The following PNPT1 variants were observed in gnomAD, a reference collection of about 807,000 sequenced individuals.
The protein encoded by PNPT1 is polyribonucleotide nucleotidyltransferase 1, mitochondrial.
In PNPT1, 53 loss-of-function variants were observed where a neutral mutation model predicts 119.5. The observed-to-expected ratio is 0.44, with a 90% CI of 0.36 to 0.56. The LOEUF is 0.56. Ranked by LOEUF, PNPT1 falls within the 20% of genes least tolerant of loss-of-function variation. The pLI, the probability that PNPT1 is intolerant of heterozygous loss-of-function variation, is 0.00. For missense variants in PNPT1, 948 were observed against 938.5 expected, an observed-to-expected ratio of 1.01 and a Z score of -0.13; for synonymous variants, 357 against 322.1, an observed-to-expected ratio of 1.11 and a Z score of -1.16.
Position 55,687,355 on chromosome 2 carries a change from G to A in PNPT1, c.222+290C>T, listed in dbSNP as rs540390596. On this transcript the variant is annotated intron_variant, in intron 2 of 27. Transcript: ENST00000447944. ...CTCGGGAGGCTGAGGCAAAAGAATCGCTTGAACCCAGGAGGCAGAGGTTGC... is the reference window on the plus strand; with the variant it reads ...CTCGGGAGGCTGAGGCAAAAGAATCACTTGAACCCAGGAGGCAGAGGTTGC... 3.9e-5 allele frequency among the ~76,000 whole-genome samples: 6 copies of A among 152,072 alleles called. 1 individual carries two copies. In the South Asian group the frequency reaches 8.3e-4, roughly 21 times the overall value.
intron 11 of PNPT1, among the ~76,000 whole-genome samples, chr2:55,670,855 CATTCATAGAAGTTA>C (rs1322048752): frequency 6.6e-6 from 1 of 151,958 alleles, no homozygotes; most frequent in Non-Finnish European, 1.5e-5. Flanking sequence ...GTGCTAGCTA[CATTCATAGAAGTTA>C]ATTTAGCAGT....
Position 55,693,786 on chromosome 2 carries a change from A to C in PNPT1, c.38T>G (p.Leu13Arg). The change falls in exon 1 of 28, where the codon CTC (leucine) becomes CGC (arginine). Residue 13 changes from leucine (L) to arginine (R), a missense_variant. By Grantham distance (102) the Leu-to-Arg change is moderately radical. Transcript: ENST00000447944. ...ACRYCCSCLR[L>R]RPLSDGPFLL... ...GAAAGGACCATCGCTCAGGGGCCGG[A>C]GCCGGAGGCACGAGCAGCAGTACCT... The C allele has an allele frequency of 6.2e-7, 1 of 1,614,040 alleles. No individual in the cohort carries two copies. Among genetic ancestry groups the C allele is most frequent in the South Asian group, 1.1e-5 (1 of 91,088 alleles).
chr2:55,678,209 A>G (rs938805107), intron 8 of PNPT1, among the ~76,000 whole-genome samples: 4 of 152,230 alleles, frequency 2.6e-5, no homozygotes, highest in African/African-American at 9.6e-5. Context: ...AAAAATTCCA[A>G]TGCAGATGAA....
intron 18 of PNPT1, among the ~76,000 whole-genome samples, chr2:55,648,416 A>T (rs1014631574): frequency 2.6e-5 from 4 of 152,248 alleles, no homozygotes; most frequent in African/African-American, 9.6e-5. Flanking sequence ...AGACTGTCAA[A>T]CTGCCTTCTA....
intron 14 of PNPT1, 43 bp downstream of exon 14, chr2:55,661,913 G>C (rs758961929): frequency 4.8e-6 from 7 of 1,462,710 alleles, no homozygotes; most frequent in Non-Finnish European, 6.4e-6. Context: ...TTATATAATA[G>C]AACATCATAA....
At chr2:55,668,003 G>T in intron 11 of PNPT1, 45 bp from the exon 12 acceptor site, 1 of 1,494,932 alleles carries the variant, frequency 6.7e-7, no homozygotes, top group South Asian at 1.2e-5. Context: ...TACTTTTTTA[G>T]GAGATAGGAT....
At chr2:55,636,504 G>T in intron 27 of PNPT1, 112 bp from the exon 28 acceptor site, 1 of 1,148,826 alleles carries the variant, frequency 8.7e-7, no homozygotes, top group Non-Finnish European at 1.2e-6. Flanking sequence ...GTTTTTACTT[G>T]TTCACTGAAA....
chr2:55,643,274 A>T, intron 24 of PNPT1, 45 bp downstream of exon 24: 1 of 1,613,046 alleles, frequency 6.2e-7, no homozygotes, highest in East Asian at 2.2e-5. Flanking sequence ...AGTAGAAAAA[A>T]CAAATATAGC....
intron 18 of PNPT1, among the ~76,000 whole-genome samples, chr2:55,652,024 A>G (rs916733893): frequency 3.3e-5 from 5 of 152,174 alleles, no homozygotes; most frequent in Non-Finnish European, 5.9e-5. Flanking sequence ...CATGTGAAAT[A>G]CAGGCCCTGC....
At position 55,643,436 on chromosome 2, in the gene PNPT1, C is replaced by G. The variant is rs759020067; in HGVS notation, c.1907-11G>C. 2.7e-5 allele frequency: 44 copies of G among 1,607,368 alleles called. No homozygotes were observed. Among genetic ancestry groups the G allele is most frequent in the Non-Finnish European group, 3.7e-5 (44 of 1,174,958 alleles). On this transcript the variant is annotated splice_polypyrimidine_tract_variant and intron_variant, in intron 23 of 27. Coordinates refer to ENST00000447944, the MANE Select transcript of PNPT1 (RefSeq NM_033109.5). ...GACTAATAGTTACACCTTTTAAAAA[C>G]AAAATGTAACATATTAAAGTTAACT... is the stretch of plus-strand genomic sequence containing the variant.
intron 10 of PNPT1, 30 bp downstream of exon 10, chr2:55,671,965 T>C (rs1288576951): frequency 3.3e-6 from 5 of 1,529,414 alleles, no homozygotes; most frequent in Non-Finnish European, 4.5e-6. Context: ...CCTAGGGCAA[T>C]TATGGAAGAC....
At chr2:55,637,645 T>G in intron 26 of PNPT1, 46 bp from the exon 27 acceptor site, 3 of 1,429,100 alleles carry the variant, frequency 2.1e-6, no homozygotes, top group South Asian at 1.2e-5. Flanking sequence ...CATAATTATG[T>G]AGTGTCCATG....
At chr2:55,689,570 C>A (rs1364268467) in intron 1 of PNPT1, among the ~76,000 whole-genome samples, 1 of 152,172 alleles carries the variant, frequency 6.6e-6, no homozygotes, top group Non-Finnish European at 1.5e-5. Context: ...CATGGATAAA[C>A]CCTGACAACA....
chr2:55,647,176 G>A (rs997129553), intron 19 of PNPT1, among the ~76,000 whole-genome samples, 171 bp downstream of exon 19: 14 of 152,126 alleles, frequency 9.2e-5, no homozygotes, highest in African/African-American at 3.4e-4. Flanking sequence ...TGAACATGCA[G>A]AGGAGGAAGG....
chr2:55,681,806 T>TG (rs1260240500), intron 5 of PNPT1, among the ~76,000 whole-genome samples: 2 of 136,860 alleles, frequency 1.5e-5, no homozygotes, highest in Non-Finnish European at 3.0e-5. Context: ...ATCGCGCCAT[T>TG]GGTCTCCAGC....
intron 7 of PNPT1, 47 bp downstream of exon 7, chr2:55,680,664 GA>G (rs563669081): frequency 6.8e-4 from 934 of 1,376,294 alleles, no homozygotes; most frequent in Admixed American, 1.1e-3. Context: ...ACTACTTACT[GA>G]AAAAAAAAAT....
intron 8 of PNPT1, among the ~76,000 whole-genome samples, 199 bp downstream of exon 8, chr2:55,679,483 C>G (rs911944883): frequency 9.2e-5 from 14 of 151,678 alleles, no homozygotes; most frequent in Admixed American, 2.6e-4. Flanking sequence ...TTTGTATATT[C>G]TAAATAAAAT....
At chr2:55,643,288 A>G (rs1348818012) in intron 24 of PNPT1, 31 bp downstream of exon 24, 13 of 1,612,076 alleles carry the variant, frequency 8.1e-6, no homozygotes, top group Non-Finnish European at 1.1e-5. Flanking sequence ...ATATAGCTAT[A>G]TGATACGTAA....
chr2:55,654,942 T>C lies in PNPT1; in HGVS notation c.1453A>G (p.Met485Val), dbSNP rs767310806. Residue 485 changes from methionine (M) to valine (V), a missense_variant, in exon 18 of 28, where the codon ATG becomes GTG. Transcript: ENST00000447944. The part of the protein sequence containing the change: ...EVLESNGSSS[M>V]ASACGGSLAL... ...AAACTTCCGCCACATGCAGATGCCA[T>C]AGAAGATGACCCTATAGAAAGAAAA... 8 of 1,613,378 alleles carry C rather than the reference T, an allele frequency of 5.0e-6. No homozygotes were observed. Among genetic ancestry groups the C allele is most frequent in the Admixed American group, 3.3e-5 (2 of 59,966 alleles).
Sources: allele counts gnomAD v4.1 joint callset (sites outside exome capture counted in the v4.1 genomes callset), GRCh38; gene constraint gnomAD v4.1.1; transcripts MANE v1.5; gene names NCBI Gene and HGNC (gene_info 2026-07-23, HGNC 2026-07-21).